The following SLBP variants were observed in gnomAD, a reference collection of about 807,000 sequenced individuals.
SLBP encodes the protein stem-loop histone mRNA binding protein, also known as histone RNA hairpin-binding protein.
In SLBP, 29 loss-of-function variants were observed where a neutral mutation model predicts 39.2. That is an observed-to-expected ratio of 0.74 (90% CI 0.55 to 1.01). The LOEUF (loss-of-function observed/expected upper bound fraction) is 1.01, where lower values mean the gene tolerates loss of function less well. SLBP is among the 50% of genes least tolerant of loss of function. The probability of loss-of-function intolerance (pLI) is 0.00; values close to 1 mark genes in which losing one functional copy is unlikely to be tolerated. For missense variants in SLBP, 390 were observed against 350.2 expected, an observed-to-expected ratio of 1.11 and a Z score of -0.91; for synonymous variants, 129 against 118.7, an observed-to-expected ratio of 1.09 and a Z score of -0.57.
intron 3 of SLBP, among the ~76,000 whole-genome samples, chr4:1,701,353 G>A (rs1163160639): frequency 2.0e-5 from 3 of 151,880 alleles, no homozygotes; most frequent in African/African-American, 4.8e-5. Context: ...CTCCATGTTC[G>A]TCAGGCTGGT....
chr4:1,707,602 C>G (rs1170388569), intron 2 of SLBP, among the ~76,000 whole-genome samples: 1 of 152,120 alleles, frequency 6.6e-6, no homozygotes, highest in African/African-American at 2.4e-5. Context: ...GACATAAACT[C>G]ACATTTTTAT....
At position 1,693,154 on chromosome 4, in the gene SLBP, C is replaced by T. The variant is rs77377171; in HGVS notation, c.*443G>A. On this transcript the variant is annotated 3_prime_UTR_variant, in exon 8 of 8. Transcript: ENST00000489418. ...TGATAAAAGGCCAAAAATTAAGTTT[C>T]CATAAAGATATTAAAGGTGTCTGAG... 1,239 of 157,798 alleles carry T rather than the reference C, an allele frequency of 7.9e-3. 18 individuals are homozygous for T. The highest frequency in any genetic ancestry group is 0.035 in the South Asian group (196 of 5,528). 9.8% of individuals were successfully genotyped at this position (157,798 alleles called of 1,614,324 possible).
At chr4:1,697,122 C>A (rs936297545) in intron 5 of SLBP, among the ~76,000 whole-genome samples, 3 of 133,480 alleles carry the variant, frequency 2.2e-5, no homozygotes, top group Non-Finnish European at 4.6e-5. Context: ...CATGCCACTG[C>A]AACTCCAGTC....
intron 2 of SLBP, among the ~76,000 whole-genome samples, chr4:1,704,006 C>G (rs1291952346): frequency 5.3e-5 from 8 of 152,058 alleles, no homozygotes; most frequent in African/African-American, 1.9e-4. Context: ...TAGAACATAA[C>G]CTATCAGCTG....
rs1716097898 is a variant in SLBP at position 1,696,187 on chromosome 4, G to A, written c.629+15C>T. ...AATCAGAGAATCACAGGACAAGAAT[G>A]CAATAAAGACATACATTTCTTGCAA... On this transcript the variant is annotated intron_variant, in intron 6 of 7. Coordinates refer to ENST00000489418, the MANE Select transcript of SLBP (RefSeq NM_006527.4). 2.5e-6 allele frequency: 4 copies of A among 1,576,504 alleles called. No individual in the cohort carries two copies. The highest frequency in any genetic ancestry group is 2.3e-5 in the South Asian group (2 of 85,250).
chr4:1,701,823 C>A (rs1291498023), intron 3 of SLBP, among the ~76,000 whole-genome samples: 1 of 152,154 alleles, frequency 6.6e-6, no homozygotes, highest in Non-Finnish European at 1.5e-5. Flanking sequence ...AGGAGAATCG[C>A]TTGAACCTAG....
intron 2 of SLBP, among the ~76,000 whole-genome samples, chr4:1,704,823 A>C (rs545496574): frequency 6.6e-6 from 1 of 152,080 alleles, no homozygotes; most frequent in Admixed American, 6.5e-5. Context: ...CTCCATCTGA[A>C]TATGAACCTC....
At chr4:1,708,085 G>GAAA (rs35817560) in intron 2 of SLBP, among the ~76,000 whole-genome samples, 155 of 111,426 alleles carry the variant, frequency 1.4e-3, no homozygotes, top group South Asian at 8.4e-3. Context: ...TCTCAAAAAC[G>GAAA]AAAAAAAAAA....
intron 2 of SLBP, among the ~76,000 whole-genome samples, chr4:1,711,664 C>T (rs1342988691): frequency 6.6e-6 from 1 of 152,386 alleles, no homozygotes; most frequent in East Asian, 1.9e-4. Context: ...TCAGCTGACT[C>T]CCATCCTGGC....
At chr4:1,701,282 A>C in intron 3 of SLBP, among the ~76,000 whole-genome samples, 1 of 151,152 alleles carries the variant, frequency 6.6e-6, no homozygotes, top group Non-Finnish European at 1.5e-5. Flanking sequence ...AGTAGCTGAG[A>C]TTACAGGTTG....
rs770486797 is a variant in SLBP at position 1,703,634 on chromosome 4, T to A, written c.243A>T (p.Glu81Asp). The A allele has an allele frequency of 1.2e-6, 2 of 1,613,852 alleles. No individual in the cohort carries two copies. The highest frequency in any genetic ancestry group is 3.3e-5 in the Admixed American group (2 of 60,028). Residue 81 changes from glutamate to aspartate, a missense_variant, in exon 3 of 8, where the codon GAA becomes GAT. Glu to Asp is a conservative substitution (Grantham distance 45). Coordinates refer to ENST00000489418, the MANE Select transcript of SLBP (RefSeq NM_006527.4). ...RCSDWASAVE[E>D]DEMRTRVNKE... ...TGTTAACTCTGGTCCTCATTTCATC[T>A]TCTTCAACTGCACTTGCCCAGTCAG...
Position 1,696,194 on chromosome 4 carries a change from A to G in SLBP, c.629+8T>C. 6.3e-7 allele frequency: 1 copy of G among 1,584,288 alleles called. No individual in the cohort carries two copies. Among genetic ancestry groups the G allele is most frequent in the South Asian group, 1.2e-5 (1 of 86,368 alleles). On this transcript the variant is annotated splice_region_variant and intron_variant, in intron 6 of 7. Transcript: ENST00000489418. ...GAATCACAGGACAAGAATGCAATAA[A>G]GACATACATTTCTTGCAAATCACAT...
At chr4:1,694,288 G>A (rs1394971154) in intron 7 of SLBP, among the ~76,000 whole-genome samples, 1 of 152,166 alleles carries the variant, frequency 6.6e-6, no homozygotes, top group Non-Finnish European at 1.5e-5. Flanking sequence ...TCACTATGTT[G>A]GGCAGGCTGG....
chr4:1,709,754 G>A (rs1242906518), intron 2 of SLBP, among the ~76,000 whole-genome samples: 2 of 152,072 alleles, frequency 1.3e-5, no homozygotes, highest in African/African-American at 4.8e-5. Flanking sequence ...TGGGACTACA[G>A]GCGCCCGCTA....
chr4:1,703,990 T>G (rs1274332746), intron 2 of SLBP, among the ~76,000 whole-genome samples: 1 of 152,124 alleles, frequency 6.6e-6, no homozygotes, highest in Non-Finnish European at 1.5e-5. Flanking sequence ...AAAAGCAAAC[T>G]AGATGTAGAA....
chr4:1,710,921 T>G (rs552298375), intron 2 of SLBP, among the ~76,000 whole-genome samples: 3 of 151,810 alleles, frequency 2.0e-5, no homozygotes, highest in Non-Finnish European at 4.4e-5. Flanking sequence ...CGCGGTGGCA[T>G]GCGCCTGTAA....
At position 1,692,888 on chromosome 4, in the gene SLBP, T is replaced by C. The variant is rs779044511; in HGVS notation, c.*709A>G. 2 of 152,650 alleles carry C rather than the reference T, an allele frequency of 1.3e-5. No homozygotes were observed. The highest frequency in any genetic ancestry group is 2.4e-5 in the African/African-American group (1 of 41,460). 9.5% of individuals were successfully genotyped at this position (152,650 alleles called of 1,614,324 possible). ...TAACAAGAAGTTTACAATTGAATAT[T>C]TGAACAGAAAATCTGTACACATTAT... On this transcript the variant is annotated 3_prime_UTR_variant, in exon 8 of 8. Coordinates refer to ENST00000489418, the MANE Select transcript of SLBP (RefSeq NM_006527.4).
chr4:1,710,641 T>C (rs193052460), intron 2 of SLBP, among the ~76,000 whole-genome samples: 12 of 152,252 alleles, frequency 7.9e-5, no homozygotes, highest in East Asian at 7.7e-4. Context: ...GGTAGGGGAA[T>C]AGTCAATTAT....
chr4:1,701,169 G>A (rs1447561109), intron 3 of SLBP, among the ~76,000 whole-genome samples: 17 of 124,620 alleles, frequency 1.4e-4, no homozygotes, highest in East Asian at 5.4e-4. Context: ...TTTTTGAGAC[G>A]GAGTTCCCTC....
Sources: gnomAD v4.1 joint callset for allele counts (sites outside exome capture counted in the v4.1 genomes callset) on GRCh38, gnomAD v4.1.1 for gene constraint, MANE v1.5 for transcripts, NCBI Gene and HGNC (gene_info 2026-07-23, HGNC 2026-07-21) for gene names.